Variants in TYW1 observed in about 807,000 individuals in gnomAD.
The protein encoded by TYW1 is S-adenosyl-L-methionine-dependent tRNA 4-demethylwyosine synthase TYW1.
In TYW1, 46 loss-of-function variants were observed where a neutral mutation model predicts 96.2. That is an observed-to-expected ratio of 0.48 (90% CI 0.38 to 0.61). The LOEUF is 0.61. TYW1 is among the 20% of genes least tolerant of loss of function. The probability of loss-of-function intolerance (pLI) is 0.00; values close to 1 mark genes in which losing one functional copy is unlikely to be tolerated. For synonymous variants in TYW1, 274 were observed against 323.0 expected (o/e 0.85, Z 1.63); for missense variants, 684 against 909.6 (o/e 0.75, Z 3.19).
At chr7:67,102,734 C>T (rs1797124081) in intron 12 of TYW1, among the ~76,000 whole-genome samples, 1 of 152,064 alleles carries the variant, frequency 6.6e-6, no homozygotes, top group Non-Finnish European at 1.5e-5. Context: ...TCACTACAAG[C>T]TCCGCCTCCA....
chr7:67,237,245 A>C (rs957869396), intron 15 of TYW1, among the ~76,000 whole-genome samples: 2 of 105,674 alleles, frequency 1.9e-5, no homozygotes, highest in African/African-American at 8.8e-5. Context: ...TCACGCCTGT[A>C]ATCCCAGCAC....
chr7:67,200,340 G>C (rs1800551453), intron 15 of TYW1, among the ~76,000 whole-genome samples: 1 of 152,062 alleles, frequency 6.6e-6, no homozygotes, highest in East Asian at 1.9e-4. Context: ...CCCGAGACTG[G>C]GTAATTTATA....
At chr7:67,222,280 C>T (rs531639604) in intron 15 of TYW1, among the ~76,000 whole-genome samples, 2 of 152,264 alleles carry the variant, frequency 1.3e-5, no homozygotes, top group East Asian at 3.9e-4. Context: ...ATATATTTAC[C>T]TTTACTATGA....
At chr7:67,209,802 C>T (rs919109195) in intron 15 of TYW1, among the ~76,000 whole-genome samples, 4 of 152,090 alleles carry the variant, frequency 2.6e-5, no homozygotes, top group Admixed American at 6.6e-5. Flanking sequence ...GAACTCCTGA[C>T]CTCAAGTGAT....
intron 10 of TYW1, among the ~76,000 whole-genome samples, chr7:67,068,053 CTCT>C (rs992853075): frequency 1.1e-4 from 17 of 148,882 alleles, no homozygotes; most frequent in Non-Finnish European, 2.4e-4. Context: ...TGGAGTTTCG[CTCT>C]TGTTGCCCAG....
chr7:67,155,099 T>C (rs528543928), intron 13 of TYW1, among the ~76,000 whole-genome samples: 2 of 152,328 alleles, frequency 1.3e-5, no homozygotes, highest in Non-Finnish European at 2.9e-5. Flanking sequence ...CCCAAGATCA[T>C]TATTTTGAAT....
intron 13 of TYW1, among the ~76,000 whole-genome samples, chr7:67,165,807 C>G (rs1280559307): frequency 6.6e-6 from 1 of 152,074 alleles, no homozygotes; most frequent in Non-Finnish European, 1.5e-5. Context: ...GCACACACCT[C>G]TAGTCCCAGC....
chr7:67,204,962 A>G (rs1800734200), intron 15 of TYW1, among the ~76,000 whole-genome samples: 1 of 152,068 alleles, frequency 6.6e-6, no homozygotes, highest in Admixed American at 6.6e-5. Flanking sequence ...AATCTTAATC[A>G]GATAATACCA....
chr7:67,161,282 T>TAA (rs1406507992), intron 13 of TYW1, among the ~76,000 whole-genome samples: 11 of 152,250 alleles, frequency 7.2e-5, no homozygotes, highest in African/African-American at 2.4e-4. Flanking sequence ...AACTTTGAGA[T>TAA]ATTGATTAGA....
chr7:67,224,524 C>A (rs534960104), intron 15 of TYW1, among the ~76,000 whole-genome samples: 1 of 152,230 alleles, frequency 6.6e-6, no homozygotes, highest in African/African-American at 2.4e-5. Context: ...TTCCTTCTTA[C>A]TGAACTCAGT....
chr7:67,065,150 T>C (rs973498527), intron 9 of TYW1, among the ~76,000 whole-genome samples: 13 of 152,228 alleles, frequency 8.5e-5, no homozygotes, highest in African/African-American at 2.9e-4. Context: ...TTCCATCTTA[T>C]GGGCTCTAGT....
intron 12 of TYW1, among the ~76,000 whole-genome samples, chr7:67,110,812 C>G (rs1797380797): frequency 6.6e-6 from 1 of 151,942 alleles, no homozygotes; most frequent in African/African-American, 2.4e-5. Context: ...TGAGACTGGC[C>G]TGGGCAACAT....
At chr7:67,060,476 A>G (rs1474670077) in intron 9 of TYW1, among the ~76,000 whole-genome samples, 1 of 152,238 alleles carries the variant, frequency 6.6e-6, no homozygotes, top group African/African-American at 2.4e-5. Context: ...AAGAAAACAA[A>G]TTGAATAAGT....
At chr7:67,123,862 C>T (rs1008294823) in intron 13 of TYW1, among the ~76,000 whole-genome samples, 1 of 152,168 alleles carries the variant, frequency 6.6e-6, no homozygotes, top group Non-Finnish European at 1.5e-5. Flanking sequence ...ACCAGTTGGT[C>T]TTTAATTACT....
chr7:67,206,725 A>G (rs138192628), intron 15 of TYW1, among the ~76,000 whole-genome samples: 81 of 152,248 alleles, frequency 5.3e-4, no homozygotes, highest in African/African-American at 1.9e-3. Flanking sequence ...AGCAAAACAA[A>G]CCCTAAAGAC....
intron 10 of TYW1, among the ~76,000 whole-genome samples, chr7:67,071,455 T>G (rs1796027651): frequency 6.6e-6 from 1 of 151,538 alleles, no homozygotes; most frequent in Non-Finnish European, 1.5e-5. Context: ...CTTTCGCTTT[T>G]TTTTTTTTTC....
intron 13 of TYW1, among the ~76,000 whole-genome samples, chr7:67,138,333 T>A (rs1324270485): frequency 7.1e-6 from 1 of 140,010 alleles, no homozygotes; most frequent in African/African-American, 2.5e-5. Flanking sequence ...TGTTTTTAAA[T>A]TTTAAGTTTT....
chr7:67,013,183 T>TGCA (rs1793876187), intron 4 of TYW1, among the ~76,000 whole-genome samples: 1 of 150,968 alleles, frequency 6.6e-6, no homozygotes, highest in Non-Finnish European at 1.5e-5. Flanking sequence ...TGTGCAGGGG[T>TGCA]GTGATGGTGG....
intron 9 of TYW1, among the ~76,000 whole-genome samples, chr7:67,063,737 G>A (rs1417690336): frequency 6.6e-6 from 1 of 151,960 alleles, no homozygotes; most frequent in African/African-American, 2.4e-5. Flanking sequence ...CCTAGTAGCT[G>A]GGACTACAGG....
Sources: gnomAD v4.1 joint callset for allele counts (sites outside exome capture counted in the v4.1 genomes callset) on GRCh38, gnomAD v4.1.1 for gene constraint, MANE v1.5 for transcripts, NCBI Gene and HGNC (gene_info 2026-07-23, HGNC 2026-07-21) for gene names.